Variants in RNF180 observed in about 807,000 individuals in gnomAD.
The protein encoded by RNF180 is ring finger protein 180.
A neutral mutation model predicts 59.2 loss-of-function variants in RNF180; 38 were observed. That is an observed-to-expected ratio of 0.64 (90% CI 0.50 to 0.84). The LOEUF (loss-of-function observed/expected upper bound fraction) is 0.84. RNF180 is among the 40% of genes least tolerant of loss of function. RNF180 has a pLI of 0.00. For synonymous variants in RNF180, 262 were observed against 240.3 expected (o/e 1.09, Z -0.84); for missense variants, 705 against 700.9 (o/e 1.01, Z -0.07).
At chr5:64,346,306 G>T (rs374891105) in intron 7 of RNF180, among the ~76,000 whole-genome samples, 3 of 129,988 alleles carry the variant, frequency 2.3e-5, no homozygotes, top group South Asian at 5.2e-4. Flanking sequence ...GTTTTTTTTT[G>T]AAACAAAAAC....
intron 7 of RNF180, among the ~76,000 whole-genome samples, chr5:64,335,510 G>A (rs372242574): frequency 1.6e-5 from 2 of 122,594 alleles, no homozygotes; most frequent in Admixed American, 1.7e-4. Flanking sequence ...AGTTTCTTTG[G>A]ATTTTTTTCC....
chr5:64,172,688 T>C (rs1750004911), intron 1 of RNF180, among the ~76,000 whole-genome samples: 1 of 152,198 alleles, frequency 6.6e-6, no homozygotes, highest in Non-Finnish European at 1.5e-5. Flanking sequence ...GAAATACTCT[T>C]AGGATGCCTC....
intron 5 of RNF180, among the ~76,000 whole-genome samples, chr5:64,324,367 C>T (rs1440652309): frequency 6.6e-6 from 1 of 152,140 alleles, no homozygotes; most frequent in Non-Finnish European, 1.5e-5. Flanking sequence ...ACCTAACATG[C>T]ACATCTTTGG....
At chr5:64,206,017 G>A (rs1459256616) in intron 2 of RNF180, among the ~76,000 whole-genome samples, 28 of 152,278 alleles carry the variant, frequency 1.8e-4, no homozygotes, top group Admixed American at 3.9e-4. Flanking sequence ...TGTTAAATGA[G>A]ATCTAGAAGA....
At chr5:64,211,709 G>A (rs2112106688) in intron 2 of RNF180, among the ~76,000 whole-genome samples, 1 of 152,284 alleles carries the variant, frequency 6.6e-6, no homozygotes, top group East Asian at 1.9e-4. Flanking sequence ...AGATAGAATA[G>A]AGATTTGGGG....
chr5:64,251,847 C>A (rs1283144959), intron 5 of RNF180, among the ~76,000 whole-genome samples: 3 of 151,866 alleles, frequency 2.0e-5, no homozygotes, highest in Non-Finnish European at 4.4e-5. Context: ...TTTACACTTG[C>A]TACAGAAAAA....
intron 7 of RNF180, among the ~76,000 whole-genome samples, chr5:64,362,719 A>G (rs1746306000): frequency 6.6e-6 from 1 of 151,650 alleles, no homozygotes; most frequent in Non-Finnish European, 1.5e-5. Flanking sequence ...GTGTATAAGC[A>G]TTTCTTTTTC....
At chr5:64,199,292 T>A (rs1751610801) in intron 1 of RNF180, among the ~76,000 whole-genome samples, 1 of 152,180 alleles carries the variant, frequency 6.6e-6, no homozygotes, top group Non-Finnish European at 1.5e-5. Context: ...AAGTCCTACC[T>A]TTAAAGTTGA....
At chr5:64,335,758 C>T (rs1423891682) in intron 7 of RNF180, among the ~76,000 whole-genome samples, 2 of 152,004 alleles carry the variant, frequency 1.3e-5, no homozygotes, top group African/African-American at 4.8e-5. Flanking sequence ...GCCCTTTGCT[C>T]TTCCATATAA....
intron 1 of RNF180, among the ~76,000 whole-genome samples, chr5:64,184,172 CT>C (rs1750757650): frequency 6.6e-6 from 1 of 152,134 alleles, no homozygotes; most frequent in Non-Finnish European, 1.5e-5. Context: ...GAAACCAAAC[CT>C]GCTGATGTCT....
intron 3 of RNF180, among the ~76,000 whole-genome samples, chr5:64,213,348 A>C (rs540680155): frequency 3.3e-5 from 5 of 152,246 alleles, no homozygotes; most frequent in African/African-American, 1.2e-4. Context: ...GATTTGCAAT[A>C]TGTTATCATT....
intron 5 of RNF180, among the ~76,000 whole-genome samples, chr5:64,279,952 G>A (rs369855700): frequency 6.6e-6 from 1 of 152,154 alleles, no homozygotes; most frequent in Non-Finnish European, 1.5e-5. Context: ...AATTAGCCGG[G>A]CGTGGTGGTG....
chr5:64,276,080 G>T (rs1008974522), intron 5 of RNF180, among the ~76,000 whole-genome samples: 3 of 152,028 alleles, frequency 2.0e-5, no homozygotes. Context: ...TAGAATCTTT[G>T]TCTACTATGT....
intron 5 of RNF180, among the ~76,000 whole-genome samples, chr5:64,284,430 G>T (rs868354322): frequency 2.0e-4 from 31 of 152,190 alleles, no homozygotes; most frequent in African/African-American, 6.8e-4. Context: ...TTTCTTGGAT[G>T]ATATGCTCAA....
chr5:64,349,843 G>A (rs1311680405), intron 7 of RNF180, among the ~76,000 whole-genome samples: 1 of 152,098 alleles, frequency 6.6e-6, no homozygotes, highest in East Asian at 1.9e-4. Flanking sequence ...ATCATTGCTA[G>A]ACATTAGGGT....
chr5:64,170,027 T>C (rs910928021), intron 1 of RNF180, among the ~76,000 whole-genome samples: 2 of 152,246 alleles, frequency 1.3e-5, no homozygotes, highest in African/African-American at 4.8e-5. Flanking sequence ...AGTGACAACT[T>C]ACCATTTAGA....
chr5:64,220,771 C>A (rs1741283871), intron 5 of RNF180, among the ~76,000 whole-genome samples: 1 of 151,930 alleles, frequency 6.6e-6, no homozygotes, highest in Non-Finnish European at 1.5e-5. Flanking sequence ...TGAAAAGAGG[C>A]AGTTTTTCCT....
At chr5:64,168,057 C>T (rs756915125) in intron 1 of RNF180, among the ~76,000 whole-genome samples, 11 of 152,112 alleles carry the variant, frequency 7.2e-5, no homozygotes, top group Non-Finnish European at 1.3e-4. Flanking sequence ...CCTCAGGAGG[C>T]TAAAAACTTA....
chr5:64,370,988 C>A lies in RNF180; in HGVS notation c.*1174C>A, dbSNP rs1580324896. On this transcript the variant is annotated 3_prime_UTR_variant, in exon 8 of 8. Transcript: ENST00000389100. ...TCTCGTGGCACTAAAAATACTACCA[C>A]TATCCAAAAACATTGGGATCAACTG... The A allele has an allele frequency of 6.6e-6, 1 of 151,768 alleles. No homozygotes were observed. Among genetic ancestry groups the A allele is most frequent in the East Asian group, 1.9e-4 (1 of 5,142 alleles). The allele number at this position is 151,768 out of a possible 1,614,324, so 9.4% of individuals were successfully genotyped here.
Sources: allele counts gnomAD v4.1 joint callset (sites outside exome capture counted in the v4.1 genomes callset), GRCh38; gene constraint gnomAD v4.1.1; transcripts MANE v1.5; gene names NCBI Gene and HGNC (gene_info 2026-07-23, HGNC 2026-07-21).